The following ANO10 variants were observed in gnomAD, a reference collection of about 807,000 sequenced individuals.
ANO10 encodes anoctamin 10, also known as anoctamin-10.
A neutral mutation model predicts 74.7 loss-of-function variants in ANO10; 77 were observed. That is an observed-to-expected ratio of 1.03 (90% CI 0.86 to 1.25). The LOEUF (loss-of-function observed/expected upper bound fraction) is 1.25. Among genes scored for constraint, ANO10 ranks in the 50% most tolerant of loss-of-function variants. The probability of loss-of-function intolerance (pLI) is 0.00; values close to 1 mark genes in which losing one functional copy is unlikely to be tolerated. For synonymous variants in ANO10, 279 were observed against 284.9 expected (o/e 0.98, Z 0.21); for missense variants, 721 against 778.1 (o/e 0.93, Z 0.87).
chr3:43,602,855 A>G (rs541254302), intron 2 of ANO10, among the ~76,000 whole-genome samples: 1 of 152,280 alleles, frequency 6.6e-6, no homozygotes, highest in African/African-American at 2.4e-5. Flanking sequence ...AATTGTTCAG[A>G]TGACTCCTTT....
At chr3:43,453,642 T>C (rs1217887506) in intron 11 of ANO10, among the ~76,000 whole-genome samples, 1 of 152,210 alleles carries the variant, frequency 6.6e-6, no homozygotes, top group African/African-American at 2.4e-5. Flanking sequence ...TTGCATATAG[T>C]GTGGGGTAGG....
chr3:43,600,336 T>G, intron 3 of ANO10, 48 bp downstream of exon 3: 1 of 1,598,256 alleles, frequency 6.3e-7, no homozygotes, highest in Non-Finnish European at 8.6e-7. Flanking sequence ...ATCATAAACT[T>G]CTTTTTGATA....
intron 1 of ANO10, among the ~76,000 whole-genome samples, chr3:43,643,683 C>CTTTTTT (rs61487906): frequency 3.8e-5 from 4 of 104,734 alleles, no homozygotes; most frequent in African/African-American, 7.8e-5. Context: ...CTCATCTTTT[C>CTTTTTT]TTTTTTTTTT....
intron 11 of ANO10, among the ~76,000 whole-genome samples, chr3:43,492,188 G>A (rs897727864): frequency 2.0e-5 from 3 of 152,186 alleles, no homozygotes; most frequent in African/African-American, 7.2e-5. Context: ...AAGCAGTGGA[G>A]AAAAGATTCC....
At chr3:43,557,329 T>C (rs1239808981) in intron 9 of ANO10, among the ~76,000 whole-genome samples, 1 of 152,144 alleles carries the variant, frequency 6.6e-6, no homozygotes, top group Admixed American at 6.5e-5. Context: ...ACAATAGATT[T>C]ACAAAAGCCA....
intron 11 of ANO10, among the ~76,000 whole-genome samples, chr3:43,523,542 T>C (rs1575335925): frequency 6.6e-6 from 1 of 152,272 alleles, no homozygotes; most frequent in Admixed American, 6.5e-5. Flanking sequence ...ACCCTAAGGC[T>C]ACACACAAGG....
intron 11 of ANO10, among the ~76,000 whole-genome samples, chr3:43,524,563 G>C (rs2078107587): frequency 6.6e-6 from 1 of 152,124 alleles, no homozygotes; most frequent in Non-Finnish European, 1.5e-5. Context: ...GCACAGTTGG[G>C]GCAGGTGAGA....
At chr3:43,587,947 A>G (rs532996363) in intron 4 of ANO10, among the ~76,000 whole-genome samples, 8 of 152,318 alleles carry the variant, frequency 5.3e-5, no homozygotes, top group Admixed American at 5.2e-4. Context: ...GGAAAATATA[A>G]TTTACCCAAA....
chr3:43,469,741 T>C (rs948578627), intron 11 of ANO10, among the ~76,000 whole-genome samples: 1 of 152,252 alleles, frequency 6.6e-6, no homozygotes, highest in East Asian at 1.9e-4. Context: ...AATCTTCTTC[T>C]AATGACTAGA....
rs570367364 is a variant in ANO10, at chr3:43,572,249, C to T, written c.1218+2560G>A. Among the ~76,000 whole-genome samples the T allele has an allele frequency of 5.9e-5, 9 of 152,332 alleles. No homozygotes were observed. The East Asian group carries it at 1.2e-3, about 20-fold the overall frequency. ...AAATCAATCAGGACCCCCCCACCAA[C>T]AATAAGTTTCCTGGGGAAGTGCTCT... On this transcript the variant is annotated intron_variant, in intron 7 of 12. Transcript: ENST00000292246.
At chr3:43,681,111 C>G (rs2084191348) in intron 1 of ANO10, among the ~76,000 whole-genome samples, 1 of 152,004 alleles carries the variant, frequency 6.6e-6, no homozygotes, top group South Asian at 2.1e-4. Context: ...GCTAAATGCT[C>G]CAATTAAAAG....
chr3:43,633,602 T>A (rs1276161347), intron 1 of ANO10, among the ~76,000 whole-genome samples: 1 of 152,206 alleles, frequency 6.6e-6, no homozygotes, highest in Non-Finnish European at 1.5e-5. Flanking sequence ...TAGATTTTGA[T>A]GAATATAGAT....
At chr3:43,684,045 G>A (rs1426842859) in intron 1 of ANO10, among the ~76,000 whole-genome samples, 4 of 151,940 alleles carry the variant, frequency 2.6e-5, no homozygotes, top group African/African-American at 4.8e-5. Flanking sequence ...CTAAAACACC[G>A]AAAGCAACAG....
At chr3:43,661,540 A>G (rs1032274610) in intron 1 of ANO10, among the ~76,000 whole-genome samples, 1 of 152,214 alleles carries the variant, frequency 6.6e-6, no homozygotes, top group African/African-American at 2.4e-5. Flanking sequence ...GACAGGATCA[A>G]TTTCACACAT....
rs182724794 is a variant in ANO10, at chr3:43,409,820, A to G, written c.1914+22791T>C. On this transcript the variant is annotated intron_variant, in intron 12 of 12. Transcript: ENST00000292246. The stretch of plus-strand genomic sequence containing the variant: ...GGGGTTAATGTTGTGTTAACAAAAT[A>G]TAGTGTAAAGAAAAGGACCATCAAA... 6.6e-5 allele frequency among the ~76,000 whole-genome samples: 10 copies of G among 152,340 alleles called. No homozygotes were observed. In the East Asian group the frequency reaches 1.9e-3, roughly 29 times the overall value.
At chr3:43,402,411 A>G (rs1287822507) in intron 12 of ANO10, among the ~76,000 whole-genome samples, 1 of 152,176 alleles carries the variant, frequency 6.6e-6, no homozygotes, top group South Asian at 2.1e-4. Flanking sequence ...TACATGTATT[A>G]TGCCTAAATG....
intron 1 of ANO10, among the ~76,000 whole-genome samples, chr3:43,678,690 C>T (rs2084154891): frequency 6.6e-6 from 1 of 152,140 alleles, no homozygotes; most frequent in African/African-American, 2.4e-5. Context: ...CTTCGAATGC[C>T]CCTGGCCGAA....
At chr3:43,427,628 T>C (rs2092918184) in intron 12 of ANO10, among the ~76,000 whole-genome samples, 2 of 152,218 alleles carry the variant, frequency 1.3e-5, no homozygotes, top group Non-Finnish European at 2.9e-5. Flanking sequence ...ACTCAATTTC[T>C]GATCTGGTCC....
At chr3:43,611,086 G>A (rs1461220687) in intron 1 of ANO10, among the ~76,000 whole-genome samples, 1 of 152,130 alleles carries the variant, frequency 6.6e-6, no homozygotes, top group Non-Finnish European at 1.5e-5. Flanking sequence ...TACACGGCTA[G>A]GCTACATTTT....
Sources: allele counts gnomAD v4.1 joint callset (sites outside exome capture counted in the v4.1 genomes callset), GRCh38; gene constraint gnomAD v4.1.1; transcripts MANE v1.5; gene names NCBI Gene and HGNC (gene_info 2026-07-23, HGNC 2026-07-21).